TBC1D1: variants seen among roughly 807,000 people sequenced by gnomAD.
TBC1D1 encodes the protein TBC1 (tre-2/USP6, BUB2, cdc16) domain family, member 1.
In TBC1D1, 89 loss-of-function variants were observed where a neutral mutation model predicts 125.6. The ratio of observed to expected loss-of-function variants is 0.71; its 90% CI spans 0.60 to 0.85. TBC1D1 has a LOEUF of 0.85. Ranked by LOEUF, TBC1D1 falls within the 40% of genes least tolerant of loss-of-function variation. The probability of loss-of-function intolerance (pLI) is 0.00; values close to 1 mark genes in which losing one functional copy is unlikely to be tolerated. For missense variants in TBC1D1, 1,377 were observed against 1,469.2 expected (o/e 0.94, Z 1.03); for synonymous variants, 565 against 564.1 (o/e 1.00, Z -0.02).
chr4:37,909,347 C>A (rs919739986), intron 2 of TBC1D1, among the ~76,000 whole-genome samples: 2 of 152,166 alleles, frequency 1.3e-5, no homozygotes, highest in Non-Finnish European at 2.9e-5. Context: ...ATTTTTGAAA[C>A]CTTATTTTTG....
chr4:38,125,334 T>C (rs142628168), intron 18 of TBC1D1, among the ~76,000 whole-genome samples: 1 of 152,328 alleles, frequency 6.6e-6, no homozygotes, highest in Non-Finnish European at 1.5e-5. Context: ...AAATGCCACA[T>C]GGAAACATGG....
At chr4:38,102,895 A>T in intron 14 of TBC1D1, 104 bp from the exon 17 acceptor site, 1 of 1,317,742 alleles carries the variant, frequency 7.6e-7, no homozygotes, top group Non-Finnish European at 1.0e-6. Flanking sequence ...AAAAAAAAAA[A>T]GGAACAAGAA....
chr4:37,898,724 G>A lies in TBC1D1; in HGVS notation c.-93-3279G>A, dbSNP rs529187170. Among the ~76,000 whole-genome samples the A allele has an allele frequency of 8.0e-4, 122 of 152,270 alleles. 3 individuals are homozygous for A. The highest frequency in any genetic ancestry group is 7.9e-3 in the Admixed American group (121 of 15,274). ...TAAATTGTCCTTCGTCTCCAACCCAGGAGTCTCATGTTTTCTACCAGCAGG... is the reference window on the plus strand; with the variant it reads ...TAAATTGTCCTTCGTCTCCAACCCAAGAGTCTCATGTTTTCTACCAGCAGG... On this transcript the variant is annotated intron_variant, in intron 1 of 19. Coordinates refer to ENST00000261439, the MANE Select transcript of TBC1D1 (RefSeq NM_015173.4).
intron 12 of TBC1D1, among the ~76,000 whole-genome samples, chr4:38,067,126 C>T (rs894587720): frequency 1.3e-5 from 2 of 152,154 alleles, no homozygotes; most frequent in African/African-American, 2.4e-5. Context: ...CTGCCCGCCT[C>T]GGCCTCCCAA....
At chr4:37,920,107 C>T (rs565881208) in intron 2 of TBC1D1, among the ~76,000 whole-genome samples, 9 of 152,260 alleles carry the variant, frequency 5.9e-5, no homozygotes, top group African/African-American at 1.9e-4. Flanking sequence ...AGTGAGACTC[C>T]GTCTCAAAAC....
intron 14 of TBC1D1, 102 bp from the exon 17 acceptor site, chr4:38,102,893 AAAGG>A (rs1269725894): frequency 1.5e-6 from 2 of 1,368,612 alleles, no homozygotes; most frequent in South Asian, 3.0e-5. Flanking sequence ...AAAAAAAAAA[AAAGG>A]AACAAGAATT....
At chr4:38,086,645 A>T (rs1757530160) in intron 12 of TBC1D1, among the ~76,000 whole-genome samples, 1 of 152,208 alleles carries the variant, frequency 6.6e-6, no homozygotes, top group Non-Finnish European at 1.5e-5. Context: ...CAGGCAGCTA[A>T]CAACAGTATT....
chr4:37,982,554 G>A (rs150686398), intron 2 of TBC1D1, among the ~76,000 whole-genome samples: 2 of 152,264 alleles, frequency 1.3e-5, no homozygotes, highest in African/African-American at 4.8e-5. Context: ...ATCTGGTAGT[G>A]GTGGCAGCTG....
chr4:38,089,344 T>C (rs1280223616), intron 12 of TBC1D1, among the ~76,000 whole-genome samples: 1 of 152,270 alleles, frequency 6.6e-6, no homozygotes, highest in Non-Finnish European at 1.5e-5. Context: ...TACTGCTGGC[T>C]ATTAAATACA....
intron 13 of TBC1D1, among the ~76,000 whole-genome samples, chr4:38,091,729 GCAGAATA>G (rs1166608585): frequency 1.1e-4 from 16 of 152,332 alleles, no homozygotes. Flanking sequence ...TGCCACAAAA[GCAGAATA>G]CATTCTGCTG....
At chr4:38,038,033 C>T (rs1186630675) in intron 8 of TBC1D1, among the ~76,000 whole-genome samples, 2 of 152,166 alleles carry the variant, frequency 1.3e-5, no homozygotes, top group Admixed American at 6.5e-5. Flanking sequence ...ATAGAGTTCT[C>T]ATTCCTTACA....
chr4:38,133,614 G>A (rs1765977946), intron 19 of TBC1D1, among the ~76,000 whole-genome samples: 1 of 152,148 alleles, frequency 6.6e-6, no homozygotes, highest in African/African-American at 2.4e-5. Flanking sequence ...TAACTTCTAT[G>A]AGCAAAACCA....
intron 3 of TBC1D1, among the ~76,000 whole-genome samples, chr4:38,016,484 G>A (rs970772376): frequency 4.6e-5 from 7 of 152,186 alleles, no homozygotes; most frequent in Non-Finnish European, 5.9e-5. Context: ...AGGAATAATC[G>A]TATCAGTAAG....
At chr4:37,891,708 A>C (rs1713359003) in intron 1 of TBC1D1, among the ~76,000 whole-genome samples, 1 of 139,828 alleles carries the variant, frequency 7.2e-6, no homozygotes, top group Non-Finnish European at 1.5e-5. Context: ...GATTGGAAAG[A>C]GTGTGGTCAG....
At chr4:38,039,552 G>A (rs561393215) in intron 8 of TBC1D1, among the ~76,000 whole-genome samples, 102 of 152,212 alleles carry the variant, frequency 6.7e-4, no homozygotes, top group Middle Eastern at 3.4e-3. Flanking sequence ...TCAGTAGTTT[G>A]TTCCTTTTTG....
chr4:37,997,271 G>A (rs1290053968), intron 2 of TBC1D1, among the ~76,000 whole-genome samples: 3 of 152,296 alleles, frequency 2.0e-5, no homozygotes, highest in South Asian at 2.1e-4. Context: ...AAATGCAGGG[G>A]CAGTCTTTTG....
chr4:37,906,767 C>G (rs1471933099), intron 2 of TBC1D1, among the ~76,000 whole-genome samples: 1 of 152,146 alleles, frequency 6.6e-6, no homozygotes, highest in Non-Finnish European at 1.5e-5. Context: ...TTTTCATGAA[C>G]TTTTTGAAGA....
chr4:38,132,480 TG>T (rs1765750356), intron 18 of TBC1D1, among the ~76,000 whole-genome samples: 1 of 152,216 alleles, frequency 6.6e-6, no homozygotes, highest in South Asian at 2.1e-4. Flanking sequence ...ATTACTATTG[TG>T]GGAAAGAAGA....
intron 2 of TBC1D1, among the ~76,000 whole-genome samples, chr4:38,012,355 A>G (rs146997402): frequency 4.7e-4 from 72 of 152,220 alleles, no homozygotes; most frequent in African/African-American, 1.4e-3. Flanking sequence ...GTCTTGGCTT[A>G]CTGCAGCCTC....
Sources: allele counts gnomAD v4.1 joint callset (sites outside exome capture counted in the v4.1 genomes callset), GRCh38; gene constraint gnomAD v4.1.1; transcripts MANE v1.5; gene names NCBI Gene and HGNC (gene_info 2026-07-23, HGNC 2026-07-21).